Variants in PDE6C observed in about 807,000 individuals in gnomAD.
The protein encoded by PDE6C is phosphodiesterase 6C.
PDE6C carries 75 observed loss-of-function variants against 113.1 expected under a neutral mutation model. The ratio of observed to expected loss-of-function variants is 0.66; its 90% CI spans 0.55 to 0.80. PDE6C has a LOEUF of 0.80. Among genes scored for constraint, PDE6C ranks in the 30% least tolerant of loss-of-function variants. The pLI is 0.00. For missense variants in PDE6C, 912 were observed against 1,038.6 expected, an observed-to-expected ratio of 0.88 and a Z score of 1.67; for synonymous variants, 375 against 363.7, an observed-to-expected ratio of 1.03 and a Z score of -0.35.
intron 8 of PDE6C, 86 bp from the exon 9 acceptor site, chr10:93,634,671 AC>A: frequency 7.2e-7 from 1 of 1,388,410 alleles, no homozygotes; most frequent in Non-Finnish European, 1.0e-6. Context: ...ATCTCTCTGT[AC>A]ATTTCTTTTG....
At chr10:93,622,440 A>G (rs986569657) in intron 4 of PDE6C, among the ~76,000 whole-genome samples, 1 of 152,058 alleles carries the variant, frequency 6.6e-6, no homozygotes, top group African/African-American at 2.4e-5. Context: ...ATGAATCAAT[A>G]TTGATATATT....
At chr10:93,620,562 G>A (rs2058440420) in intron 1 of PDE6C, 70 bp from the exon 2 acceptor site, 1 of 1,468,278 alleles carries the variant, frequency 6.8e-7, no homozygotes, top group East Asian at 2.3e-5. Flanking sequence ...AGAATGATCT[G>A]TCATCATCCC....
Position 93,626,937 on chromosome 10 carries a change from G to C in PDE6C, c.1071+66G>C, listed in dbSNP as rs2134599480. ...AGAAACTCTTATTAGCTAAGAGATA[G>C]ATACAATTGTGAAAGCAAGAATGCA... On this transcript the variant is annotated intron_variant, in intron 7 of 21. Transcript: ENST00000371447. The C allele has an allele frequency of 4.3e-6, 6 of 1,380,034 alleles. No homozygotes were observed. The Admixed American group carries it at 5.3e-5, about 12-fold the overall frequency. The allele number at this position is 1,380,034 out of a possible 1,614,324, so 85.5% of individuals were successfully genotyped here.
chr10:93,613,060 C>T lies in PDE6C; in HGVS notation c.335C>T (p.Ser112Phe). Reference sequence around the variant, plus strand: ...CGGAACGGCATACCTGAGGTGGCCTCTAGGTTGCTGGATGTCACCCCCACC... The same window carrying T: ...CGGAACGGCATACCTGAGGTGGCCTTTAGGTTGCTGGATGTCACCCCCACC... ...RSRNGIPEVASRLLDVTPTSK... is the reference protein window; with the variant it reads ...RSRNGIPEVAFRLLDVTPTSK... Residue 112 changes from serine to phenylalanine, a missense_variant, in exon 1 of 22, where the codon TCT becomes TTT. Transcript: ENST00000371447. 1 of 1,614,200 alleles carries T rather than the reference C, an allele frequency of 6.2e-7. No homozygotes were observed. The highest frequency in any genetic ancestry group is 8.5e-7 in the Non-Finnish European group (1 of 1,180,056).
At chr10:93,615,076 A>C (rs2058413805) in intron 1 of PDE6C, among the ~76,000 whole-genome samples, 3 of 152,168 alleles carry the variant, frequency 2.0e-5, no homozygotes, top group Admixed American at 2.0e-4. Flanking sequence ...TGGATGGCTT[A>C]AGCCCAGGAG....
chr10:93,644,471 A>T (rs936969777), intron 14 of PDE6C, among the ~76,000 whole-genome samples: 6 of 152,056 alleles, frequency 3.9e-5, no homozygotes, highest in African/African-American at 1.2e-4. Context: ...TGATATTTTG[A>T]TACATTCATA....
At chr10:93,662,992 T>G (rs754115825) in intron 20 of PDE6C, 36 bp from the exon 21 acceptor site, 2 of 1,568,548 alleles carry the variant, frequency 1.3e-6, no homozygotes, top group African/African-American at 2.7e-5. Flanking sequence ...ATTAACTGTA[T>G]GATTTATGTA....
chr10:93,629,443 C>A, intron 8 of PDE6C, 138 bp downstream of exon 8: 1 of 751,196 alleles, frequency 1.3e-6, no homozygotes. Flanking sequence ...TCCCACTCAC[C>A]CTGGCTGGGC....
chr10:93,657,130 T>C (rs1177084148), intron 16 of PDE6C, among the ~76,000 whole-genome samples: 1 of 151,922 alleles, frequency 6.6e-6, no homozygotes, highest in Non-Finnish European at 1.5e-5. Flanking sequence ...TCCATGTTTT[T>C]ATATGGTATT....
In PDE6C at chr10:93,613,025, G is replaced by C; in HGVS notation, c.300G>C (p.Leu100=). The change falls in exon 1 of 22, where the codon CTG becomes CTC. Residue 100 remains leucine (L), a synonymous_variant. Coordinates refer to ENST00000371447, the MANE Select transcript of PDE6C (RefSeq NM_006204.4). ...LLQADRCSMF[L]CRSRNGIPEV... ...AGGCTGACCGCTGCAGCATGTTCCT[G>C]TGCCGGTCCCGGAACGGCATACCTG... is the stretch of plus-strand genomic sequence containing the variant. 1 of 1,614,176 alleles carries C rather than the reference G, an allele frequency of 6.2e-7. No individual in the cohort carries two copies. The highest frequency in any genetic ancestry group is 1.1e-5 in the South Asian group (1 of 91,084).
chr10:93,621,352 T>C (rs967530729), intron 3 of PDE6C, among the ~76,000 whole-genome samples: 1 of 152,222 alleles, frequency 6.6e-6, no homozygotes, highest in Non-Finnish European at 1.5e-5. Flanking sequence ...ATAGTAAACC[T>C]ATTAATTTGA....
chr10:93,662,713 C>A, intron 20 of PDE6C, 70 bp downstream of exon 20: 2 of 826,528 alleles, frequency 2.4e-6, no homozygotes, highest in Non-Finnish European at 2.1e-6. Flanking sequence ...AAACTGTCAC[C>A]AAAATTTAGA....
chr10:93,630,656 CT>C (rs2058496936), intron 8 of PDE6C, among the ~76,000 whole-genome samples: 1 of 152,098 alleles, frequency 6.6e-6, no homozygotes, highest in Admixed American at 6.5e-5. Context: ...CCGTTGGGGT[CT>C]GTTTTTCTGT....
chr10:93,642,585 G>T (rs1242056345), intron 14 of PDE6C, among the ~76,000 whole-genome samples: 2 of 152,104 alleles, frequency 1.3e-5, no homozygotes, highest in East Asian at 3.9e-4. Context: ...GACTGAATGG[G>T]CTTTGGAGTC....
At chr10:93,655,610 C>CAA in intron 15 of PDE6C, 150 bp from the exon 16 acceptor site, 10,359 of 328,302 alleles carry the variant, frequency 0.032, 483 homozygotes, top group African/African-American at 0.21. Flanking sequence ...AAAAGCAAGC[C>CAA]AAAAAAAAAA....
intron 15 of PDE6C, among the ~76,000 whole-genome samples, chr10:93,647,226 C>T (rs983068637): frequency 1.2e-4 from 18 of 152,100 alleles, no homozygotes; most frequent in Admixed American, 4.6e-4. Flanking sequence ...ACTGTTTTGT[C>T]GCAGGCAGTG....
chr10:93,619,708 G>T (rs1319584291), intron 1 of PDE6C, among the ~76,000 whole-genome samples: 3 of 152,158 alleles, frequency 2.0e-5, no homozygotes, highest in Admixed American at 6.5e-5. Context: ...TTACAGGCAT[G>T]AACCACCCCG....
rs186789270 is a variant in PDE6C, at chr10:93,665,151, G to A, written c.2519-209G>A. On this transcript the variant is annotated intron_variant, in intron 21 of 21. Coordinates refer to ENST00000371447, the MANE Select transcript of PDE6C (RefSeq NM_006204.4). ...CCCAAAGTGCTGGGATTACAGGCAGGAGCCACTGCACCTAACCCAGATTTT... is the reference window on the plus strand; with the variant it reads ...CCCAAAGTGCTGGGATTACAGGCAGAAGCCACTGCACCTAACCCAGATTTT... Among the ~76,000 whole-genome samples the A allele has an allele frequency of 6.7e-3, 1,022 of 152,302 alleles. 8 individuals carry two copies. Among genetic ancestry groups the A allele is most frequent in the Non-Finnish European group, 0.01 (704 of 68,034 alleles).
intron 15 of PDE6C, among the ~76,000 whole-genome samples, chr10:93,647,166 A>T (rs2058588758): frequency 6.6e-6 from 1 of 152,156 alleles, no homozygotes; most frequent in South Asian, 2.1e-4. Context: ...CTTTCTTAAG[A>T]ACGTTCCAAA....
Sources: gnomAD v4.1 joint callset for allele counts (sites outside exome capture counted in the v4.1 genomes callset) on GRCh38, gnomAD v4.1.1 for gene constraint, MANE v1.5 for transcripts, NCBI Gene and HGNC (gene_info 2026-07-23, HGNC 2026-07-21) for gene names.